MDGA2: variants seen among roughly 807,000 people sequenced by gnomAD.
The protein encoded by MDGA2 is MAM domain-containing glycosylphosphatidylinositol anchor protein 2.
In MDGA2, 40 loss-of-function variants were observed where a neutral mutation model predicts 117.8. That is an observed-to-expected ratio of 0.34 (90% CI 0.26 to 0.44). The LOEUF is 0.44. MDGA2 is among the 20% of genes least tolerant of loss of function. The pLI is 1.00. For synonymous variants in MDGA2, 452 were observed against 439.0 expected (o/e 1.03, Z -0.37); for missense variants, 1,123 against 1,250.6 (o/e 0.90, Z 1.54).
At chr14:47,239,387 T>C (rs1248141752) in intron 2 of MDGA2, among the ~76,000 whole-genome samples, 2 of 151,812 alleles carry the variant, frequency 1.3e-5, no homozygotes, top group African/African-American at 4.8e-5. Flanking sequence ...TATAAATTAC[T>C]GTACATTGTG....
chr14:47,172,385 T>G (rs1290678117), intron 3 of MDGA2, among the ~76,000 whole-genome samples: 2 of 149,120 alleles, frequency 1.3e-5, no homozygotes, highest in Non-Finnish European at 3.0e-5. Context: ...GAAGCCTAAC[T>G]GGGAGGCACC....
At chr14:47,508,673 T>C (rs1894572490) in intron 1 of MDGA2, among the ~76,000 whole-genome samples, 1 of 151,560 alleles carries the variant, frequency 6.6e-6, no homozygotes, top group Non-Finnish European at 1.5e-5. Context: ...GAACACAACT[T>C]TTTTGTTTGT....
At chr14:47,649,301 A>G (rs1407144752) in intron 1 of MDGA2, among the ~76,000 whole-genome samples, 1 of 152,200 alleles carries the variant, frequency 6.6e-6, no homozygotes, top group African/African-American at 2.4e-5. Context: ...TTTAAGCTAA[A>G]GCGTTTGTTC....
intron 1 of MDGA2, among the ~76,000 whole-genome samples, chr14:47,619,512 T>C (rs779507762): frequency 1.3e-5 from 2 of 152,170 alleles, no homozygotes; most frequent in Non-Finnish European, 2.9e-5. Flanking sequence ...GAACTGTGTA[T>C]TCAGTCAGAA....
intron 1 of MDGA2, among the ~76,000 whole-genome samples, chr14:47,350,507 A>T (rs1436080496): frequency 6.6e-6 from 1 of 152,248 alleles, no homozygotes; most frequent in African/African-American, 2.4e-5. Context: ...AATTCTAAAT[A>T]TACAAAATAC....
intron 1 of MDGA2, among the ~76,000 whole-genome samples, chr14:47,582,057 G>A (rs1391307465): frequency 3.3e-5 from 5 of 151,856 alleles, no homozygotes; most frequent in Non-Finnish European, 7.4e-5. Context: ...TATTGTTAGT[G>A]CCAAGTAAGA....
chr14:47,130,217 T>C (rs929437105), intron 5 of MDGA2, among the ~76,000 whole-genome samples: 1 of 152,116 alleles, frequency 6.6e-6, no homozygotes, highest in Non-Finnish European at 1.5e-5. Context: ...AGGGTTTTTA[T>C]GGTTTTAGGT....
chr14:47,477,372 G>C (rs984513373), intron 1 of MDGA2, among the ~76,000 whole-genome samples: 1 of 152,074 alleles, frequency 6.6e-6, no homozygotes. Context: ...GGAACCTAAA[G>C]TAGTGTCAAG....
Position 46,907,659 on chromosome 14 carries a change from T to C in MDGA2, c.2238+12353A>G, listed in dbSNP as rs1174467015. Among the ~76,000 whole-genome samples, 10 of 152,270 alleles carry C rather than the reference T, an allele frequency of 6.6e-5. No individual in the cohort carries two copies. The East Asian group carries it at 1.7e-3, about 27-fold the overall frequency. The stretch of plus-strand genomic sequence containing the variant: ...TTAGCTGAATTACTTTGTGACACCA[T>C]TTTTCATATCATTCATGTCTCTACT... On this transcript the variant is annotated intron_variant, in intron 10 of 16. Transcript: ENST00000399232.
Position 47,428,737 on chromosome 14 carries a change from C to T in MDGA2, c.281-127187G>A, listed in dbSNP as rs559461808. On this transcript the variant is annotated intron_variant, in intron 1 of 16. Transcript: ENST00000399232. ...ATTTATGTATATATACACACATATA[C>T]GTGTTACACATATATTTGTGTATAC... Among the ~76,000 whole-genome samples the T allele has an allele frequency of 5.7e-4, 87 of 151,818 alleles. 2 individuals carry two copies. In the South Asian group the frequency reaches 0.013, roughly 23 times the overall value.
At chr14:46,898,305 A>G (rs1841195302) in intron 10 of MDGA2, among the ~76,000 whole-genome samples, 1 of 152,080 alleles carries the variant, frequency 6.6e-6, no homozygotes, top group Non-Finnish European at 1.5e-5. Flanking sequence ...GTAGATATGA[A>G]TAAGGGTTGA....
At chr14:46,924,134 C>T (rs1365825058) in intron 9 of MDGA2, among the ~76,000 whole-genome samples, 1 of 151,778 alleles carries the variant, frequency 6.6e-6, no homozygotes, top group Admixed American at 6.6e-5. Context: ...TTGGAATCAT[C>T]ATGTATGATT....
chr14:46,942,104 C>A (rs1273080285), intron 9 of MDGA2, among the ~76,000 whole-genome samples: 2 of 151,978 alleles, frequency 1.3e-5, no homozygotes, highest in Non-Finnish European at 2.9e-5. Context: ...TCTCTTAATG[C>A]AAGAAATATA....
chr14:47,032,050 A>T (rs577504143), intron 8 of MDGA2, among the ~76,000 whole-genome samples: 137 of 152,332 alleles, frequency 9.0e-4, no homozygotes, highest in African/African-American at 3.2e-3. Flanking sequence ...TTTACACAAC[A>T]AATTTACTGA....
chr14:47,181,356 T>C (rs1356943391), intron 3 of MDGA2, among the ~76,000 whole-genome samples: 3 of 152,112 alleles, frequency 2.0e-5, no homozygotes, highest in African/African-American at 2.4e-5. Context: ...TTGTGTTTTA[T>C]TGCAGCATTG....
chr14:47,530,930 T>A (rs1224320195), intron 1 of MDGA2, among the ~76,000 whole-genome samples: 1 of 152,154 alleles, frequency 6.6e-6, no homozygotes, highest in Non-Finnish European at 1.5e-5. Context: ...ACCTTTAAGT[T>A]TTTAGACTAA....
At chr14:47,670,852 T>C (rs965180968) in intron 1 of MDGA2, among the ~76,000 whole-genome samples, 1 of 152,032 alleles carries the variant, frequency 6.6e-6, no homozygotes, top group African/African-American at 2.4e-5. Context: ...CTTTTTAAAA[T>C]CCAATAAGCA....
chr14:47,162,932 T>A (rs563080046), intron 3 of MDGA2, among the ~76,000 whole-genome samples: 1 of 152,352 alleles, frequency 6.6e-6, no homozygotes, highest in Non-Finnish European at 1.5e-5. Flanking sequence ...CTCGAATGAA[T>A]GTACCTGACA....
chr14:47,123,805 C>A (rs1398772031), intron 5 of MDGA2, among the ~76,000 whole-genome samples: 1 of 151,948 alleles, frequency 6.6e-6, no homozygotes, highest in East Asian at 1.9e-4. Flanking sequence ...GTAGGCAGAA[C>A]AATGCTGTCC....
Sources: gnomAD v4.1 joint callset for allele counts (sites outside exome capture counted in the v4.1 genomes callset) on GRCh38, gnomAD v4.1.1 for gene constraint, MANE v1.5 for transcripts, NCBI Gene and HGNC (gene_info 2026-07-23, HGNC 2026-07-21) for gene names.